Variants in WASHC3 observed in about 807,000 individuals in gnomAD.
WASHC3 encodes WASH complex subunit CCDC53.
In WASHC3, 24 loss-of-function variants were observed where a neutral mutation model predicts 26.1. That is an observed-to-expected ratio of 0.92 (90% CI 0.66 to 1.29). The LOEUF (loss-of-function observed/expected upper bound fraction) is 1.29. WASHC3 is among the 50% of genes most tolerant of loss of function. The probability of loss-of-function intolerance (pLI) is 0.00; values close to 1 mark genes in which losing one functional copy is unlikely to be tolerated. For synonymous variants in WASHC3, 77 were observed against 75.7 expected (o/e 1.02, Z -0.09); for missense variants, 214 against 229.6 (o/e 0.93, Z 0.44).
Position 102,023,207 on chromosome 12 carries a change from T to A in WASHC3, c.500+2767A>T, listed in dbSNP as rs537523795. ...CTTCTCCCTTATCATGTAAATATTT[T>A]TGATTTAAAATTATGTACTCTCAGC... is the stretch of plus-strand genomic sequence containing the variant. On this transcript the variant is annotated intron_variant, in intron 6 of 6. Coordinates refer to ENST00000240079, the MANE Select transcript of WASHC3 (RefSeq NM_016053.4). Among the ~76,000 whole-genome samples, 5 of 152,314 alleles carry A rather than the reference T, an allele frequency of 3.3e-5. No individual in the cohort carries two copies. In the South Asian group the frequency reaches 8.3e-4, roughly 25 times the overall value.
chr12:102,042,570 C>T (rs2136670747), intron 4 of WASHC3, among the ~76,000 whole-genome samples: 1 of 152,256 alleles, frequency 6.6e-6, no homozygotes, highest in African/African-American at 2.4e-5. Context: ...CCTCTATATA[C>T]CTCATTTGAC....
upstream of WASHC3, chr12:102,062,081 G>T: frequency 3.7e-6 from 3 of 811,516 alleles, no homozygotes; most frequent in East Asian, 2.9e-5. Context: ...GGCCCTTCCC[G>T]CCGGAAGAAA....
In WASHC3 at chr12:102,013,206, A is replaced by C; in HGVS notation, c.501-14T>G. The C allele has an allele frequency of 7.1e-7, 1 of 1,413,428 alleles. No individual in the cohort carries two copies. Among genetic ancestry groups the C allele is most frequent in the South Asian group, 1.3e-5 (1 of 78,276 alleles). The allele number at this position is 1,413,428 out of a possible 1,614,324, so 87.6% of individuals were successfully genotyped here. A position where few individuals can be genotyped will look rare whatever the true frequency, so the allele number is the denominator to read the frequency against. ...GCATCTGGCCTCCTAAAAGAAAAGAAAAAAAAATTTCAAAGGTCTTTTCCA... is the reference window on the plus strand; with the variant it reads ...GCATCTGGCCTCCTAAAAGAAAAGACAAAAAAATTTCAAAGGTCTTTTCCA... On this transcript the variant is annotated splice_polypyrimidine_tract_variant and intron_variant, in intron 6 of 6. Coordinates refer to ENST00000240079, the MANE Select transcript of WASHC3 (RefSeq NM_016053.4).
Position 102,061,921 on chromosome 12 carries a change from G to T in WASHC3, c.42C>A (p.Asp14Glu), listed in dbSNP as rs773514860. The stretch of plus-strand genomic sequence containing the variant: ...ACCGTCTTTTACAAACCTTGGTCAG[G>T]TCTATGCCTGACCCCATGAGAGGAA... ...DGLPLMGSGI[D>E]LTKVPAIQQK... Residue 14 changes from aspartate (D) to glutamate (E), a missense_variant, in exon 1 of 7, where the codon GAC (aspartate) becomes GAA (glutamate). Transcript: ENST00000240079. 3 of 1,599,672 alleles carry T rather than the reference G, an allele frequency of 1.9e-6. No homozygotes were observed. Among genetic ancestry groups the T allele is most frequent in the Non-Finnish European group, 2.6e-6 (3 of 1,172,478 alleles).
chr12:102,053,808 TCTA>T (rs1473251514), intron 2 of WASHC3, among the ~76,000 whole-genome samples: 5 of 152,196 alleles, frequency 3.3e-5, no homozygotes, highest in African/African-American at 1.2e-4. Context: ...TTCAGAATAT[TCTA>T]ATACTGTCAT....
intron 4 of WASHC3, chr12:102,040,559 T>C (rs1304472665): frequency 6.6e-6 from 1 of 152,090 alleles, no homozygotes; most frequent in Non-Finnish European, 1.5e-5. Flanking sequence ...CAGATACTGA[T>C]GGAACTATTA....
chr12:102,059,163 A>G (rs1166447913), intron 2 of WASHC3, among the ~76,000 whole-genome samples: 1 of 152,170 alleles, frequency 6.6e-6, no homozygotes, highest in Non-Finnish European at 1.5e-5. Flanking sequence ...AATATATTGT[A>G]TTGAAAATTG....
chr12:102,059,221 C>T (rs141198090), intron 2 of WASHC3, among the ~76,000 whole-genome samples: 22 of 152,234 alleles, frequency 1.4e-4, no homozygotes, highest in African/African-American at 4.3e-4. Flanking sequence ...AAAGTAAGTA[C>T]GTGAGGCATT....
At chr12:102,018,467 T>C (rs1005960237) in intron 6 of WASHC3, among the ~76,000 whole-genome samples, 2 of 152,176 alleles carry the variant, frequency 1.3e-5, no homozygotes, top group African/African-American at 2.4e-5. Context: ...CCAGTACTTA[T>C]TGTCTTTGTT....
chr12:102,028,845 T>C (rs1331651237), intron 5 of WASHC3, among the ~76,000 whole-genome samples: 1 of 151,354 alleles, frequency 6.6e-6, no homozygotes, highest in Non-Finnish European at 1.5e-5. Context: ...AGAATAAGTA[T>C]AAGAATAATA....
chr12:102,037,305 T>A (rs1877705792), intron 5 of WASHC3, among the ~76,000 whole-genome samples: 1 of 152,228 alleles, frequency 6.6e-6, no homozygotes, highest in African/African-American at 2.4e-5. Flanking sequence ...CTTGTGGAGT[T>A]TATAACTTTG....
intron 5 of WASHC3, among the ~76,000 whole-genome samples, chr12:102,036,301 G>A (rs1430282000): frequency 2.0e-5 from 3 of 149,656 alleles, no homozygotes; most frequent in African/African-American, 7.5e-5. Context: ...GGCAGAGGTT[G>A]CAGTGAGCCG....
intron 2 of WASHC3, chr12:102,050,231 G>T: frequency 2.2e-6 from 1 of 445,254 alleles, no homozygotes; most frequent in Non-Finnish European, 4.5e-6. Context: ...GGAGGTCTAG[G>T]CTGCAGTGAG....
At chr12:102,032,099 T>G (rs183238568) in intron 5 of WASHC3, among the ~76,000 whole-genome samples, 56 of 152,324 alleles carry the variant, frequency 3.7e-4, no homozygotes, top group Admixed American at 3.4e-3. Context: ...CATACCTTCT[T>G]GATGGACATC....
chr12:102,021,102 A>C (rs1211880200), intron 6 of WASHC3, among the ~76,000 whole-genome samples: 5 of 152,078 alleles, frequency 3.3e-5, no homozygotes, highest in Non-Finnish European at 7.4e-5. Context: ...AAACAAAAAC[A>C]AAAACAAAAA....
At chr12:102,059,176 AAG>A (rs1373325005) in intron 2 of WASHC3, among the ~76,000 whole-genome samples, 1 of 152,158 alleles carries the variant, frequency 6.6e-6, no homozygotes, top group African/African-American at 2.4e-5. Context: ...GAAAATTGCT[AAG>A]AGAGGCGATT....
intron 5 of WASHC3, among the ~76,000 whole-genome samples, chr12:102,038,018 C>A (rs1877749803): frequency 1.3e-5 from 2 of 152,138 alleles, no homozygotes; most frequent in Non-Finnish European, 2.9e-5. Context: ...TGGTCTCAAA[C>A]TCCCGACCTC....
intron 2 of WASHC3, 105 bp downstream of exon 2, chr12:102,061,143 C>A: frequency 1.4e-6 from 1 of 733,860 alleles, no homozygotes. Context: ...TGAGAGGTCA[C>A]GGTACATGAA....
intron 6 of WASHC3, chr12:102,019,488 T>G (rs947370504): frequency 8.6e-6 from 2 of 231,990 alleles, no homozygotes; most frequent in Non-Finnish European, 1.8e-5. Flanking sequence ...CTACTAAAAT[T>G]TGGAAATTAG....
Sources: allele counts gnomAD v4.1 joint callset (sites outside exome capture counted in the v4.1 genomes callset), GRCh38; gene constraint gnomAD v4.1.1; transcripts MANE v1.5; gene names NCBI Gene and HGNC (gene_info 2026-07-23, HGNC 2026-07-21).